PACRG: variants seen among roughly 807,000 people sequenced by gnomAD.
PACRG encodes the protein parkin coregulated gene protein.
Under a neutral mutation model 29.7 loss-of-function variants are expected in PACRG, and 29 were observed. The observed-to-expected ratio is 0.98, with a 90% CI of 0.73 to 1.33. The LOEUF (loss-of-function observed/expected upper bound fraction) is 1.33, where lower values mean the gene tolerates loss of function less well. PACRG is among the 40% of genes most tolerant of loss of function. PACRG has a pLI of 0.00. For synonymous variants in PACRG, 116 were observed against 118.7 expected (o/e 0.98, Z 0.15); for missense variants, 279 against 316.2 (o/e 0.88, Z 0.89).
At chr6:163,100,824 A>C in intron 4 of PACRG, 1 of 985,046 alleles carries the variant, frequency 1.0e-6, no homozygotes, top group South Asian at 4.7e-5. Context: ...TGAAAAATGC[A>C]ATGGACATAT....
At chr6:162,941,849 A>G (rs1440948205) in intron 2 of PACRG, among the ~76,000 whole-genome samples, 1 of 152,196 alleles carries the variant, frequency 6.6e-6, no homozygotes, top group Non-Finnish European at 1.5e-5. Context: ...AAACTCCATA[A>G]AAGTTATCAG....
At chr6:162,767,831 G>A (rs937322944) in intron 1 of PACRG, among the ~76,000 whole-genome samples, 1 of 151,624 alleles carries the variant, frequency 6.6e-6, no homozygotes, top group Non-Finnish European at 1.5e-5. Context: ...CATTATTTTT[G>A]AATTTTTACT....
chr6:162,731,203 G>A (rs1185658756), intron 1 of PACRG, among the ~76,000 whole-genome samples: 2 of 152,110 alleles, frequency 1.3e-5, no homozygotes, highest in Non-Finnish European at 2.9e-5. Context: ...AAAACTTTTT[G>A]AGTGTTGACA....
intron 2 of PACRG, among the ~76,000 whole-genome samples, chr6:163,003,229 GAA>G (rs1248287092): frequency 6.6e-6 from 1 of 152,106 alleles, no homozygotes; most frequent in African/African-American, 2.4e-5. Context: ...CGTGTTGTCA[GAA>G]AAAATGAAAG....
chr6:162,979,088 T>C (rs1354717239), intron 2 of PACRG, among the ~76,000 whole-genome samples: 2 of 152,192 alleles, frequency 1.3e-5, no homozygotes, highest in Non-Finnish European at 2.9e-5. Flanking sequence ...GTTTTGATAA[T>C]AACCTGTCTT....
chr6:163,156,446 G>A (rs141969209), intron 4 of PACRG, among the ~76,000 whole-genome samples: 2,132 of 152,166 alleles, frequency 0.014, 28 homozygotes, highest in Non-Finnish European at 0.023. Flanking sequence ...GTGCGCCACA[G>A]GTCATATCTG....
chr6:162,770,570 T>C (rs2128301846), intron 1 of PACRG, among the ~76,000 whole-genome samples: 1 of 152,308 alleles, frequency 6.6e-6, no homozygotes, highest in Middle Eastern at 3.4e-3. Flanking sequence ...GATGGCCAAC[T>C]GCAGGGGCAG....
chr6:162,809,833 G>T (rs1425978752), intron 1 of PACRG, among the ~76,000 whole-genome samples: 1 of 152,128 alleles, frequency 6.6e-6, no homozygotes, highest in Non-Finnish European at 1.5e-5. Context: ...CTAAATAATG[G>T]TTGTAGTTGA....
chr6:163,141,116 GTCAGTGGAATTA>G (rs1817133241), intron 4 of PACRG, among the ~76,000 whole-genome samples: 1 of 152,134 alleles, frequency 6.6e-6, no homozygotes, highest in African/African-American at 2.4e-5. Context: ...CCACTGGATC[GTCAGTGGAATTA>G]TCAGCAGCCC....
At position 163,115,905 on chromosome 6, in the gene PACRG, G is replaced by A. The variant is rs1013723450; in HGVS notation, c.613+26497G>A. The stretch of plus-strand genomic sequence containing the variant: ...AGTGCAACCACGCCCTAACAGAAGC[G>A]AGCCACTTCAGCTGCTGCATCTATT... On this transcript the variant is annotated intron_variant, in intron 4 of 4. Coordinates refer to ENST00000366888, the MANE Select transcript of PACRG (RefSeq NM_001080379.2). 4.6e-5 allele frequency among the ~76,000 whole-genome samples: 7 copies of A among 152,266 alleles called. No homozygotes were observed. The South Asian group carries it at 6.2e-4, about 14-fold the overall frequency.
At chr6:162,846,056 G>A (rs1484725686) in intron 2 of PACRG, among the ~76,000 whole-genome samples, 1 of 152,170 alleles carries the variant, frequency 6.6e-6, no homozygotes, top group East Asian at 1.9e-4. Context: ...CTAGGTGCGG[G>A]TCTGACCCCA....
chr6:163,303,265 A>C (rs1254631172), intron 4 of PACRG, among the ~76,000 whole-genome samples: 2 of 152,170 alleles, frequency 1.3e-5, no homozygotes, highest in Non-Finnish European at 2.9e-5. Flanking sequence ...CCGGGATTGC[A>C]GTGAGCTGAG....
Position 163,281,543 on chromosome 6 carries a change from AT to A in PACRG, c.614-33273del, listed in dbSNP as rs5881519. Among the ~76,000 whole-genome samples the A allele has an allele frequency of 6.7e-3, 994 of 148,462 alleles. 11 individuals are homozygous for A. The highest frequency in any genetic ancestry group is 8.4e-3 in the Admixed American group (125 of 14,826). On this transcript the variant is annotated intron_variant, in intron 4 of 4. Coordinates refer to ENST00000366888, the MANE Select transcript of PACRG (RefSeq NM_001080379.2). ...TAACAATAGCCAAAAATCAAGATGA[AT>A]TTTTTTTTTTGCTATATGAAATCTA...
chr6:163,233,920 A>T (rs1019501823), intron 4 of PACRG, among the ~76,000 whole-genome samples: 4 of 152,214 alleles, frequency 2.6e-5, no homozygotes, highest in Non-Finnish European at 5.9e-5. Flanking sequence ...GAGACATTCA[A>T]ATAGAAATAT....
chr6:162,938,379 T>C (rs1193182535), intron 2 of PACRG, among the ~76,000 whole-genome samples: 1 of 152,246 alleles, frequency 6.6e-6, no homozygotes, highest in African/African-American at 2.4e-5. Flanking sequence ...AAGTATCTTT[T>C]TCGTATAATG....
At chr6:163,078,650 A>G (rs1812782205) in intron 3 of PACRG, among the ~76,000 whole-genome samples, 1 of 152,114 alleles carries the variant, frequency 6.6e-6, no homozygotes. Context: ...TTCTCTGCCT[A>G]AATTACGGCA....
At chr6:163,231,163 G>A (rs1442769290) in intron 4 of PACRG, among the ~76,000 whole-genome samples, 2 of 152,218 alleles carry the variant, frequency 1.3e-5, no homozygotes, top group Non-Finnish European at 2.9e-5. Flanking sequence ...GGCCCACGGG[G>A]GAGCCGTGGC....
At chr6:162,737,585 T>C (rs1371829734) in intron 1 of PACRG, among the ~76,000 whole-genome samples, 1 of 152,234 alleles carries the variant, frequency 6.6e-6, no homozygotes, top group African/African-American at 2.4e-5. Context: ...TTAACGAATG[T>C]CCACAGTTTT....
chr6:163,002,551 C>T (rs9364683), intron 2 of PACRG, among the ~76,000 whole-genome samples: 51,322 of 151,984 alleles, frequency 0.34, 9,844 homozygotes, highest in East Asian at 0.68. Flanking sequence ...TGGCATTGCC[C>T]ACAGTGCCTT....
Sources: allele counts gnomAD v4.1 joint callset (sites outside exome capture counted in the v4.1 genomes callset), GRCh38; gene constraint gnomAD v4.1.1; transcripts MANE v1.5; gene names NCBI Gene and HGNC (gene_info 2026-07-23, HGNC 2026-07-21).